The following HOOK3 variants were observed in gnomAD, a reference collection of about 807,000 sequenced individuals.
HOOK3 encodes the protein hook microtubule tethering protein 3.
Under a neutral mutation model 116.3 loss-of-function variants are expected in HOOK3, and 24 were observed. The observed-to-expected ratio is 0.21, with a 90% CI of 0.15 to 0.29. The LOEUF (loss-of-function observed/expected upper bound fraction) is 0.29. Among genes scored for constraint, HOOK3 ranks in the 10% least tolerant of loss-of-function variants. HOOK3 has a pLI of 1.00. For synonymous variants in HOOK3, 275 were observed against 283.0 expected (o/e 0.97, Z 0.28); for missense variants, 632 against 830.2 (o/e 0.76, Z 2.93).
intron 15 of HOOK3, among the ~76,000 whole-genome samples, chr8:42,989,677 G>T (rs1273205795): frequency 6.6e-6 from 1 of 151,992 alleles, no homozygotes; most frequent in East Asian, 1.9e-4. Context: ...ACTTTGTTGC[G>T]CTAGGAAATA....
intron 18 of HOOK3, among the ~76,000 whole-genome samples, chr8:43,009,796 C>T (rs1809569336): frequency 6.6e-6 from 1 of 152,160 alleles, no homozygotes; most frequent in South Asian, 2.1e-4. Flanking sequence ...CCGAAGTTCT[C>T]TATCATTAAA....
chr8:43,004,221 G>A (rs1206555158), intron 17 of HOOK3, among the ~76,000 whole-genome samples: 1 of 151,628 alleles, frequency 6.6e-6, no homozygotes, highest in Non-Finnish European at 1.5e-5. Context: ...ACAAAAATTA[G>A]TGGGGCATGG....
intron 15 of HOOK3, among the ~76,000 whole-genome samples, chr8:42,991,655 G>A (rs1809162964): frequency 6.6e-6 from 1 of 152,098 alleles, no homozygotes; most frequent in Non-Finnish European, 1.5e-5. Context: ...ACCCACCTCA[G>A]CCTCCCAAAG....
chr8:42,906,229 G>A lies in HOOK3; in HGVS notation c.114G>A (p.Gly38=). Residue 38 remains glycine (G), a synonymous_variant, in exon 2 of 22, where the codon GGG becomes GGA. Transcript: ENST00000307602. ...AGACCGTGGAAGATTTAACGAATGG[G>A]GTTGTGATGGCCCAGGTTCTTCAAA... ...PCQTVEDLTN[G]VVMAQVLQKI... 2 of 1,611,284 alleles carry A rather than the reference G, an allele frequency of 1.2e-6. No individual in the cohort carries two copies. The highest frequency in any genetic ancestry group is 1.1e-5 in the South Asian group (1 of 90,984).
At chr8:42,979,788 A>AT (rs900067897) in intron 13 of HOOK3, among the ~76,000 whole-genome samples, 2 of 151,786 alleles carry the variant, frequency 1.3e-5, no homozygotes, top group Non-Finnish European at 2.9e-5. Context: ...AAATATCCTA[A>AT]TTTTTTTTCC....
At chr8:42,981,083 A>C (rs1808932143) in intron 13 of HOOK3, among the ~76,000 whole-genome samples, 2 of 144,680 alleles carry the variant, frequency 1.4e-5, no homozygotes, top group African/African-American at 2.6e-5. Flanking sequence ...ATGAGGTCTC[A>C]CTCCTTTACC....
At chr8:42,922,853 C>G (rs1340208764) in intron 2 of HOOK3, among the ~76,000 whole-genome samples, 2 of 150,060 alleles carry the variant, frequency 1.3e-5, no homozygotes, top group African/African-American at 4.9e-5. Context: ...GCACCCCAGC[C>G]TGGGCAACAG....
chr8:42,981,784 T>A (rs1808950127), intron 13 of HOOK3, among the ~76,000 whole-genome samples: 1 of 148,752 alleles, frequency 6.7e-6, no homozygotes, highest in African/African-American at 2.5e-5. Flanking sequence ...CTCAGCAGGC[T>A]GAGGTAGGAG....
chr8:42,966,451 G>T (rs749025538), intron 9 of HOOK3, 22 bp from the exon 10 acceptor site: 2 of 1,611,290 alleles, frequency 1.2e-6, no homozygotes, highest in Non-Finnish European at 1.7e-6. Context: ...TGCTTTCTTG[G>T]TCTATTTTAT....
chr8:42,939,949 A>G (rs1363687689), intron 4 of HOOK3, among the ~76,000 whole-genome samples: 11 of 145,572 alleles, frequency 7.6e-5, no homozygotes, highest in African/African-American at 2.9e-4. Flanking sequence ...GGCGCTCCTC[A>G]CTTCCTAGAT....
intron 4 of HOOK3, among the ~76,000 whole-genome samples, chr8:42,933,689 T>C (rs1030780995): frequency 6.6e-6 from 1 of 152,232 alleles, no homozygotes; most frequent in African/African-American, 2.4e-5. Flanking sequence ...GAGATACTTA[T>C]TTTAAGCCCC....
intron 8 of HOOK3, among the ~76,000 whole-genome samples, chr8:42,963,903 C>T (rs933455518): frequency 5.3e-5 from 8 of 152,094 alleles, no homozygotes; most frequent in Non-Finnish European, 1.2e-4. Context: ...ATTGATTGTA[C>T]TTCTTTAAAA....
chr8:42,996,534 C>T (rs1450207451), intron 15 of HOOK3, among the ~76,000 whole-genome samples: 1 of 152,128 alleles, frequency 6.6e-6, no homozygotes, highest in Non-Finnish European at 1.5e-5. Context: ...CTTTGTATTC[C>T]ATACAGGGTT....
At chr8:42,940,149 T>G (rs1018949934) in intron 4 of HOOK3, among the ~76,000 whole-genome samples, 1 of 152,238 alleles carries the variant, frequency 6.6e-6, no homozygotes, top group Non-Finnish European at 1.5e-5. Context: ...AGGTGGAGGC[T>G]GCAGCGAGCT....
chr8:42,923,740 G>T (rs115845536), intron 2 of HOOK3, among the ~76,000 whole-genome samples: 256 of 152,280 alleles, frequency 1.7e-3, no homozygotes, highest in African/African-American at 6.0e-3. Context: ...CTAGATTGTG[G>T]TGATAGTTGT....
At chr8:42,936,441 TGA>T (rs1186659737) in intron 4 of HOOK3, among the ~76,000 whole-genome samples, 1 of 152,188 alleles carries the variant, frequency 6.6e-6, no homozygotes, top group Non-Finnish European at 1.5e-5. Flanking sequence ...ATAGGAGTGG[TGA>T]GAGAGGACAT....
intron 18 of HOOK3, among the ~76,000 whole-genome samples, chr8:43,009,651 C>T (rs375381544): frequency 3.4e-4 from 51 of 152,064 alleles, no homozygotes; most frequent in African/African-American, 1.1e-3. Context: ...AGAGAACAGA[C>T]TTATTTTTAT....
At position 43,029,564 on chromosome 8, in the gene HOOK3, TA is replaced by T. The variant is rs1019437637; in HGVS notation, c.*11067del. 9.0e-5 allele frequency: 17 copies of T among 189,822 alleles called. No homozygotes were observed. The highest frequency in any genetic ancestry group is 4.0e-4 in the African/African-American group (17 of 42,900). 11.8% of individuals were successfully genotyped at this position (189,822 alleles called of 1,614,324 possible). The stretch of plus-strand genomic sequence containing the variant: ...TGTGTAATTCAGAATGCTTTGTACT[TA>T]GAAAATAATTTCTAGGCTTATCTTG... On this transcript the variant is annotated 3_prime_UTR_variant, in exon 22 of 22. Coordinates refer to ENST00000307602, the MANE Select transcript of HOOK3 (RefSeq NM_032410.4).
intron 2 of HOOK3, among the ~76,000 whole-genome samples, chr8:42,916,772 T>C (rs1807541838): frequency 6.6e-6 from 1 of 152,154 alleles, no homozygotes; most frequent in African/African-American, 2.4e-5. Context: ...ACTGTCTGTC[T>C]CCCCACCCCC....
Sources: allele counts gnomAD v4.1 joint callset (sites outside exome capture counted in the v4.1 genomes callset), GRCh38; gene constraint gnomAD v4.1.1; transcripts MANE v1.5; gene names NCBI Gene and HGNC (gene_info 2026-07-23, HGNC 2026-07-21).